The following AHI1 variants were observed in gnomAD, a reference collection of about 807,000 sequenced individuals.
The protein encoded by AHI1 is jouberin.
Under a neutral mutation model 149.3 loss-of-function variants are expected in AHI1, and 123 were observed. The ratio of observed to expected loss-of-function variants is 0.82; its 90% CI spans 0.71 to 0.96. The LOEUF is 0.96. Among genes scored for constraint, AHI1 ranks in the 40% least tolerant of loss-of-function variants. The probability of loss-of-function intolerance (pLI) is 0.00; values close to 1 mark genes in which losing one functional copy is unlikely to be tolerated. For missense variants in AHI1, 1,439 were observed against 1,422.7 expected, an observed-to-expected ratio of 1.01 and a Z score of -0.18; for synonymous variants, 475 against 459.8, an observed-to-expected ratio of 1.03 and a Z score of -0.42.
chr6:135,441,308 A>G (rs1422134378), intron 14 of AHI1, among the ~76,000 whole-genome samples: 1 of 152,170 alleles, frequency 6.6e-6, no homozygotes, highest in Non-Finnish European at 1.5e-5. Context: ...AGAATGAAGA[A>G]AAATAGAAAA....
At position 135,487,186 on chromosome 6, in the gene AHI1, T is replaced by A. The variant is rs546631020; in HGVS notation, c.135+3437A>T. On this transcript the variant is annotated intron_variant, in intron 5 of 28. Coordinates refer to ENST00000265602, the MANE Select transcript of AHI1 (RefSeq NM_001134831.2). The stretch of plus-strand genomic sequence containing the variant: ...AATTTCTTATTTCATTACATTCTTT[T>A]AAAAAAACTCACTTAATTTTTTTAA... Among the ~76,000 whole-genome samples the A allele has an allele frequency of 4.9e-4, 75 of 152,250 alleles. No individual in the cohort carries two copies. In the East Asian group the frequency reaches 0.01, roughly 21 times the overall value.
chr6:135,324,093 G>A (rs1405418068), intron 24 of AHI1, among the ~76,000 whole-genome samples: 1 of 152,190 alleles, frequency 6.6e-6, no homozygotes, highest in Non-Finnish European at 1.5e-5. Context: ...GCCGAGGCAG[G>A]AGGACTGCTT....
intron 3 of AHI1, chr6:135,495,312 C>T (rs576936673): frequency 2.6e-5 from 4 of 152,260 alleles, no homozygotes; most frequent in African/African-American, 9.6e-5. Flanking sequence ...CAAGTCCTTA[C>T]CAGTGAGGTC....
intron 5 of AHI1, among the ~76,000 whole-genome samples, chr6:135,470,999 T>C (rs942787290): frequency 2.6e-5 from 4 of 152,206 alleles, no homozygotes; most frequent in Admixed American, 6.5e-5. Flanking sequence ...CTCAATAACC[T>C]TGAATTTCCA....
chr6:135,423,092 T>C (rs1230511388), intron 20 of AHI1, among the ~76,000 whole-genome samples: 1 of 152,132 alleles, frequency 6.6e-6, no homozygotes. Flanking sequence ...CGTTTCATCA[T>C]CTGCAAAATG....
intron 17 of AHI1, among the ~76,000 whole-genome samples, chr6:135,430,862 G>A (rs1221757497): frequency 6.6e-6 from 1 of 151,818 alleles, no homozygotes; most frequent in Admixed American, 6.6e-5. Flanking sequence ...TTGGACCAAG[G>A]AAAAAGGATA....
At chr6:135,317,078 A>C (rs1440549131) in intron 26 of AHI1, among the ~76,000 whole-genome samples, 1 of 152,088 alleles carries the variant, frequency 6.6e-6, no homozygotes, top group Admixed American at 6.5e-5. Flanking sequence ...ATTACAGCTT[A>C]TGTCCCCTGA....
intron 27 of AHI1, among the ~76,000 whole-genome samples, chr6:135,295,033 G>A (rs897021268): frequency 1.3e-5 from 2 of 152,122 alleles, no homozygotes; most frequent in African/African-American, 4.8e-5. Flanking sequence ...TCACATAGTT[G>A]ATAAAGAACA....
chr6:135,358,071 T>C (rs1793264840), intron 24 of AHI1, 61 bp downstream of exon 24: 1 of 1,470,458 alleles, frequency 6.8e-7, no homozygotes, highest in Non-Finnish European at 9.5e-7. Flanking sequence ...ACTGTAACTA[T>C]AACCAGTATA....
intron 20 of AHI1, among the ~76,000 whole-genome samples, chr6:135,417,954 G>A (rs1379435487): frequency 6.6e-6 from 1 of 152,020 alleles, no homozygotes; most frequent in Non-Finnish European, 1.5e-5. Context: ...CAAGCTCTAT[G>A]CTTTTAACAT....
At chr6:135,403,927 T>C (rs1043765319) in intron 22 of AHI1, among the ~76,000 whole-genome samples, 2 of 151,920 alleles carry the variant, frequency 1.3e-5, no homozygotes, top group African/African-American at 2.4e-5. Context: ...TTTTCTGACA[T>C]GTTCCTCCCT....
chr6:135,493,279 G>A (rs1052514393), intron 3 of AHI1, among the ~76,000 whole-genome samples: 3 of 152,134 alleles, frequency 2.0e-5, no homozygotes, highest in South Asian at 2.1e-4. Flanking sequence ...GATTACAGGC[G>A]TGAGCCACCA....
chr6:135,323,463 T>C, intron 24 of AHI1, 139 bp from the exon 25 acceptor site: 1 of 798,924 alleles, frequency 1.3e-6, no homozygotes, highest in Non-Finnish European at 1.9e-6. Context: ...CAAGGTTTGC[T>C]AATGGGATGA....
At chr6:135,293,750 G>A (rs9494213) in intron 27 of AHI1, among the ~76,000 whole-genome samples, 18 of 152,104 alleles carry the variant, frequency 1.2e-4, no homozygotes, top group Non-Finnish European at 2.5e-4. Context: ...TAAATGCAAA[G>A]ATATATCATG....
Position 135,350,480 on chromosome 6 carries a change from G to A in AHI1, c.3165+7652C>T, listed in dbSNP as rs143244577. 1.8e-4 allele frequency among the ~76,000 whole-genome samples: 27 copies of A among 152,170 alleles called. No individual in the cohort carries two copies. In the East Asian group the frequency reaches 5.0e-3, roughly 28 times the overall value. ...ATATATACATTTATTCATTTAAGCA[G>A]TATCTACTGAAGGCCTATAAGTAGT... is the stretch of plus-strand genomic sequence containing the variant. On this transcript the variant is annotated intron_variant, in intron 24 of 28. Transcript: ENST00000265602.
rs111503500 is a variant in AHI1 at position 135,378,488 on chromosome 6, G to A, written c.3109+16288C>T. Among the ~76,000 whole-genome samples the A allele has an allele frequency of 9.4e-3, 1,423 of 152,178 alleles. 19 individuals are homozygous for A. The highest frequency in any genetic ancestry group is 0.032 in the African/African-American group (1,327 of 41,498). On this transcript the variant is annotated intron_variant, in intron 23 of 28. Coordinates refer to ENST00000265602, the MANE Select transcript of AHI1 (RefSeq NM_001134831.2). Reference sequence around the variant, plus strand: ...GATTGAAGTCTGTTCAAATCGTATCGTTTGTGACATGCTCTATATATTCTA... The same window carrying A: ...GATTGAAGTCTGTTCAAATCGTATCATTTGTGACATGCTCTATATATTCTA...
In AHI1 at chr6:135,318,158, A is replaced by AG. The variant is rs563205511; in HGVS notation, c.3426+360dup. 1.2e-4 allele frequency among the ~76,000 whole-genome samples: 18 copies of AG among 152,356 alleles called. No homozygotes were observed. In the East Asian group the frequency reaches 3.5e-3, roughly 29 times the overall value. Reference sequence around the variant, plus strand: ...CTTCTTAATTTTGTGAACTCCAGTGAGCTCTAGCATAAATGTTTACCTCTC... The same window carrying AG: ...CTTCTTAATTTTGTGAACTCCAGTGAGGCTCTAGCATAAATGTTTACCTCTC... On this transcript the variant is annotated intron_variant, in intron 26 of 28. Transcript: ENST00000265602.
chr6:135,338,928 T>A (rs747082565), intron 24 of AHI1, among the ~76,000 whole-genome samples: 1 of 135,256 alleles, frequency 7.4e-6, no homozygotes, highest in Non-Finnish European at 1.6e-5. Flanking sequence ...TCATCTTTCC[T>A]TTTTTTTTTT....
intron 20 of AHI1, among the ~76,000 whole-genome samples, chr6:135,419,594 T>C (rs921704225): frequency 1.3e-5 from 2 of 152,140 alleles, no homozygotes; most frequent in African/African-American, 4.8e-5. Flanking sequence ...AAAAAATCAA[T>C]GCATTTACCT....
Sources: allele counts gnomAD v4.1 joint callset (sites outside exome capture counted in the v4.1 genomes callset), GRCh38; gene constraint gnomAD v4.1.1; transcripts MANE v1.5; gene names NCBI Gene and HGNC (gene_info 2026-07-23, HGNC 2026-07-21).